Variants in ACAP2 observed in about 807,000 individuals in gnomAD.
ACAP2 encodes ArfGAP with coiled-coil, ankyrin repeat and PH domains 2, also known as arf-GAP with coiled-coil, ANK repeat and PH domain-containing protein 2.
A neutral mutation model predicts 115.8 loss-of-function variants in ACAP2; 39 were observed. The observed-to-expected ratio is 0.34, with a 90% confidence interval of 0.26 to 0.44. The LOEUF (loss-of-function observed/expected upper bound fraction) is 0.44, where lower values mean the gene tolerates loss of function less well. Among genes scored for constraint, ACAP2 ranks in the 20% least tolerant of loss-of-function variants. The pLI is 1.00. For synonymous variants in ACAP2, 289 were observed against 315.8 expected, an observed-to-expected ratio of 0.92 and a Z score of 0.90; for missense variants, 662 against 927.6, an observed-to-expected ratio of 0.71 and a Z score of 3.72.
chr3:195,345,411 C>T lies in ACAP2; in HGVS notation c.286-94G>A, dbSNP rs1050949830. The T allele has an allele frequency of 2.4e-5, 18 of 735,462 alleles. No homozygotes were observed. The East Asian group carries it at 4.6e-4, about 19-fold the overall frequency. 45.6% of individuals were successfully genotyped at this position (735,462 alleles called of 1,614,324 possible). A position where few individuals can be genotyped will look rare whatever the true frequency, so the allele number is the denominator to read the frequency against. ...ATACCACATCCCTCCATCAATTCTTCAATTCTAATACCGTCTATATCTCTT... is the reference window on the plus strand; with the variant it reads ...ATACCACATCCCTCCATCAATTCTTTAATTCTAATACCGTCTATATCTCTT... On this transcript the variant is annotated intron_variant, in intron 4 of 22. Coordinates refer to ENST00000326793, the MANE Select transcript of ACAP2 (RefSeq NM_012287.6).
chr3:195,314,081 A>T (rs1728929303), intron 10 of ACAP2, among the ~76,000 whole-genome samples: 1 of 152,192 alleles, frequency 6.6e-6, no homozygotes, highest in African/African-American at 2.4e-5. Context: ...CTTAAATTCC[A>T]GATTTTGGAA....
chr3:195,376,629 C>G (rs1459156801), intron 4 of ACAP2, among the ~76,000 whole-genome samples: 1 of 151,812 alleles, frequency 6.6e-6, no homozygotes, highest in Non-Finnish European at 1.5e-5. Context: ...AGAGTTCTAT[C>G]CATTTTTACA....
chr3:195,373,253 G>T (rs1414109392), intron 4 of ACAP2, among the ~76,000 whole-genome samples: 5 of 151,656 alleles, frequency 3.3e-5, no homozygotes, highest in African/African-American at 1.2e-4. Flanking sequence ...AAATTTATTT[G>T]GAAAACTCTG....
chr3:195,371,524 T>C (rs976535328), intron 4 of ACAP2, among the ~76,000 whole-genome samples: 1 of 152,208 alleles, frequency 6.6e-6, no homozygotes, highest in Admixed American at 6.5e-5. Flanking sequence ...ACTTCCTCTC[T>C]TCCTATTTGG....
intron 2 of ACAP2, 99 bp from the exon 3 acceptor site, chr3:195,382,121 G>T: frequency 2.8e-6 from 3 of 1,084,730 alleles, no homozygotes; most frequent in Non-Finnish European, 4.0e-6. Context: ...ACCTAGTTAA[G>T]TTCAATTTGT....
At chr3:195,301,936 G>A (rs1728086666) in intron 14 of ACAP2, 30 bp downstream of exon 14, 1 of 1,599,528 alleles carries the variant, frequency 6.3e-7, no homozygotes, top group African/African-American at 1.3e-5. Context: ...TCCAAAAGAA[G>A]AAATTCTCAT....
chr3:195,362,532 C>A (rs1732443700), intron 4 of ACAP2, among the ~76,000 whole-genome samples: 1 of 151,802 alleles, frequency 6.6e-6, no homozygotes, highest in South Asian at 2.1e-4. Context: ...AAAATAACCA[C>A]ACACACACAC....
intron 1 of ACAP2, among the ~76,000 whole-genome samples, chr3:195,429,618 G>A (rs539322059): frequency 6.6e-6 from 1 of 152,274 alleles, no homozygotes; most frequent in South Asian, 2.1e-4. Flanking sequence ...AGGCTGTATC[G>A]TGACAGAGGT....
At chr3:195,295,604 T>G (rs1487502628) in intron 17 of ACAP2, 104 bp downstream of exon 17, 3 of 1,262,662 alleles carry the variant, frequency 2.4e-6, no homozygotes, top group Non-Finnish European at 3.4e-6. Flanking sequence ...AGGGAACAGG[T>G]TTTTAACATT....
At chr3:195,342,196 G>T (rs571031403) in intron 6 of ACAP2, among the ~76,000 whole-genome samples, 2 of 152,078 alleles carry the variant, frequency 1.3e-5, no homozygotes, top group Non-Finnish European at 2.9e-5. Flanking sequence ...CAACTCCAGA[G>T]AATAACATAT....
intron 7 of ACAP2, chr3:195,336,726 G>A: frequency 1.7e-6 from 1 of 577,138 alleles, no homozygotes; most frequent in South Asian, 2.2e-5. Flanking sequence ...ACCTCACAGT[G>A]TATCAACAGA....
At chr3:195,435,325 C>T (rs1283684552) in intron 1 of ACAP2, among the ~76,000 whole-genome samples, 7 of 151,982 alleles carry the variant, frequency 4.6e-5, no homozygotes, top group Non-Finnish European at 1.0e-4. Flanking sequence ...CAGGTGTGTG[C>T]CACCATGCCC....
chr3:195,355,278 CTTCT>C (rs1376565314), intron 4 of ACAP2, among the ~76,000 whole-genome samples: 20 of 78,732 alleles, frequency 2.5e-4, no homozygotes, highest in South Asian at 2.3e-3. Context: ...TTTTCTTTTT[CTTCT>C]TTTTTTTTTT....
At chr3:195,375,589 AT>A (rs1439030384) in intron 4 of ACAP2, among the ~76,000 whole-genome samples, 3 of 152,042 alleles carry the variant, frequency 2.0e-5, no homozygotes, top group African/African-American at 7.2e-5. Flanking sequence ...AGGCAGGATG[AT>A]CACTTCAGCC....
intron 1 of ACAP2, among the ~76,000 whole-genome samples, chr3:195,410,307 A>G (rs1275136585): frequency 6.6e-6 from 1 of 152,230 alleles, no homozygotes; most frequent in Non-Finnish European, 1.5e-5. Context: ...ATCTAAAACT[A>G]TAAAACTCTT....
At chr3:195,319,191 C>T (rs768895322) in intron 10 of ACAP2, among the ~76,000 whole-genome samples, 7 of 152,168 alleles carry the variant, frequency 4.6e-5, no homozygotes, top group Non-Finnish European at 7.4e-5. Flanking sequence ...ACCTAGATTC[C>T]AGAGGATGTA....
chr3:195,369,387 A>G (rs1732967338), intron 4 of ACAP2, among the ~76,000 whole-genome samples: 2 of 152,114 alleles, frequency 1.3e-5, no homozygotes, highest in Non-Finnish European at 2.9e-5. Context: ...CTAGTACTTG[A>G]TAAGTTATTT....
Position 195,381,976 on chromosome 3 carries a change from C to G in ACAP2, c.158G>C (p.Cys53Ser). ...ATTCATGAACTGTTTATTTGCAACA[C>G]AAAAGGCTTTTCCAGTATCAATCAT... The part of the protein sequence containing the change: ...IAMIDTGKAF[C>S]VANKQFMNGI... The change falls in exon 3 of 23, where the codon TGT (cysteine) becomes TCT (serine). Residue 53 changes from cysteine (C) to serine (S), a missense_variant. By Grantham distance (112) the Cys-to-Ser change is moderately radical (BLOSUM62 -1). Around this residue, in one of 3 missense-constraint regions of ACAP2, gnomAD observed 401 missense variants for 604.4 expected, o/e 0.66. Transcript: ENST00000326793. The G allele has an allele frequency of 6.2e-7, 1 of 1,611,018 alleles. No individual in the cohort carries two copies. The highest frequency in any genetic ancestry group is 1.3e-5 in the African/African-American group (1 of 74,506).
At chr3:195,336,272 G>A (rs13082563) in intron 7 of ACAP2, 17,402 of 151,714 alleles carry the variant, frequency 0.11, 1,309 homozygotes, top group Middle Eastern at 0.21. Flanking sequence ...TTGTCAAGTG[G>A]GTGAAGAGGC....
Sources: gnomAD v4.1 joint callset for allele counts (sites outside exome capture counted in the v4.1 genomes callset) on GRCh38, gnomAD v4.1.1 for gene constraint, gnomAD v4.1.1 regional missense constraint, MANE v1.5 for transcripts, NCBI Gene and HGNC (gene_info 2026-07-23, HGNC 2026-07-21) for gene names.